TBC1D5: variants seen among roughly 807,000 people sequenced by gnomAD.
TBC1D5 encodes TBC1 domain family, member 5.
Under a neutral mutation model 100.3 loss-of-function variants are expected in TBC1D5, and 75 were observed. The observed-to-expected ratio is 0.75, with a 90% CI of 0.62 to 0.91. The LOEUF (loss-of-function observed/expected upper bound fraction) is 0.91, where lower values mean the gene tolerates loss of function less well. Ranked by LOEUF, TBC1D5 falls within the 40% of genes least tolerant of loss-of-function variation. The pLI is 0.00. For missense variants in TBC1D5, 910 were observed against 942.4 expected (o/e 0.97, Z 0.45); for synonymous variants, 323 against 325.6 (o/e 0.99, Z 0.09).
chr3:17,379,275 G>A (rs1201768979), intron 9 of TBC1D5, among the ~76,000 whole-genome samples: 4 of 151,934 alleles, frequency 2.6e-5, no homozygotes, highest in Admixed American at 6.6e-5. Context: ...TTGCAGAACT[G>A]CATAGTTCTT....
At chr3:17,683,440 C>T (rs772693204) in intron 1 of TBC1D5, among the ~76,000 whole-genome samples, 1 of 147,532 alleles carries the variant, frequency 6.8e-6, no homozygotes, top group South Asian at 2.1e-4. Flanking sequence ...CTCAACAATA[C>T]AGTATTATAA....
chr3:17,168,217 T>G (rs2066833999), intron 19 of TBC1D5, among the ~76,000 whole-genome samples: 1 of 152,162 alleles, frequency 6.6e-6, no homozygotes, highest in South Asian at 2.1e-4. Flanking sequence ...TTACCTTACC[T>G]CTCTCTAAAG....
intron 3 of TBC1D5, among the ~76,000 whole-genome samples, chr3:17,494,726 C>T (rs1219873596): frequency 6.6e-6 from 1 of 152,202 alleles, no homozygotes; most frequent in Non-Finnish European, 1.5e-5. Flanking sequence ...CGAACCCAGT[C>T]TCCCTGGCAC....
At chr3:17,508,070 G>A (rs993952116) in intron 3 of TBC1D5, among the ~76,000 whole-genome samples, 21 of 150,486 alleles carry the variant, frequency 1.4e-4, no homozygotes, top group African/African-American at 4.2e-4. Flanking sequence ...AAAAGAGGAT[G>A]AATCAAGTCT....
At chr3:17,344,365 T>C (rs1180720225) in intron 13 of TBC1D5, among the ~76,000 whole-genome samples, 3 of 152,176 alleles carry the variant, frequency 2.0e-5, no homozygotes, top group Non-Finnish European at 2.9e-5. Flanking sequence ...ACAAGGGATG[T>C]GAAGGATCTC....
chr3:17,569,888 G>A (rs908971857), intron 2 of TBC1D5, among the ~76,000 whole-genome samples: 1 of 151,352 alleles, frequency 6.6e-6, no homozygotes, highest in South Asian at 2.1e-4. Flanking sequence ...AGTGACATAT[G>A]GTATACATAT....
intron 1 of TBC1D5, among the ~76,000 whole-genome samples, chr3:17,658,864 A>C (rs2066366636): frequency 6.6e-6 from 1 of 152,136 alleles, no homozygotes; most frequent in South Asian, 2.1e-4. Flanking sequence ...GGGTTTTGCC[A>C]TGTTGGCCAG....
chr3:17,191,283 G>A (rs1481269105), intron 18 of TBC1D5, among the ~76,000 whole-genome samples: 2 of 152,154 alleles, frequency 1.3e-5, no homozygotes, highest in African/African-American at 2.4e-5. Flanking sequence ...ACAAAATGGT[G>A]ATAATAATAG....
chr3:17,691,797 C>T (rs1424677868), intron 1 of TBC1D5, among the ~76,000 whole-genome samples: 1 of 150,836 alleles, frequency 6.6e-6, no homozygotes, highest in Non-Finnish European at 1.5e-5. Context: ...AGCCAGGCAG[C>T]CTGGCAACAG....
intron 1 of TBC1D5, among the ~76,000 whole-genome samples, chr3:17,681,316 T>G (rs749627943): frequency 6.6e-6 from 1 of 151,656 alleles, no homozygotes; most frequent in Non-Finnish European, 1.5e-5. Flanking sequence ...TTAATGCACA[T>G]TCAAGTACAA....
chr3:17,585,511 C>G (rs114272219), intron 2 of TBC1D5, among the ~76,000 whole-genome samples: 95 of 152,204 alleles, frequency 6.2e-4, no homozygotes, highest in African/African-American at 2.1e-3. Context: ...GTGGTGTTTC[C>G]CAGCAGTTAC....
chr3:17,696,659 A>T (rs1162196310), intron 1 of TBC1D5, among the ~76,000 whole-genome samples: 1 of 152,174 alleles, frequency 6.6e-6, no homozygotes, highest in Non-Finnish European at 1.5e-5. Flanking sequence ...ATTCACAGCT[A>T]AATTCTACCA....
At chr3:17,368,608 AATG>A (rs2092301348) in intron 13 of TBC1D5, among the ~76,000 whole-genome samples, 1 of 152,006 alleles carries the variant, frequency 6.6e-6, no homozygotes, top group Non-Finnish European at 1.5e-5. Context: ...AGCTGTTGGT[AATG>A]ATAACATTTT....
At chr3:17,728,273 C>T (rs2076280359) in intron 1 of TBC1D5, among the ~76,000 whole-genome samples, 1 of 151,702 alleles carries the variant, frequency 6.6e-6, no homozygotes, top group South Asian at 2.1e-4. Context: ...AAGTGGTAGC[C>T]AAAGGAATTA....
intron 3 of TBC1D5, among the ~76,000 whole-genome samples, chr3:17,498,906 A>G (rs895760756): frequency 3.3e-5 from 5 of 152,202 alleles, no homozygotes; most frequent in African/African-American, 9.6e-5. Flanking sequence ...CTGTTTTATT[A>G]TATTGATGAC....
chr3:17,651,796 AG>A (rs1455329723), intron 1 of TBC1D5, among the ~76,000 whole-genome samples: 1 of 152,144 alleles, frequency 6.6e-6, no homozygotes, highest in East Asian at 1.9e-4. Context: ...TTGTTAGGTG[AG>A]GAGAAGGTCA....
At position 17,708,376 on chromosome 3, in the gene TBC1D5, C is replaced by T. The variant is rs374513162; in HGVS notation, c.-101+30967G>A. Among the ~76,000 whole-genome samples the T allele has an allele frequency of 5.3e-5, 8 of 152,140 alleles. No individual in the cohort carries two copies. The South Asian group carries it at 1.2e-3, about 24-fold the overall frequency. ...ATTTATCCATTCCCCTGCTGATGGACATTTAGGTTATTTCTAATTTTTCAC... is the reference window on the plus strand; with the variant it reads ...ATTTATCCATTCCCCTGCTGATGGATATTTAGGTTATTTCTAATTTTTCAC... On this transcript the variant is annotated intron_variant, in intron 1 of 21. Transcript: ENST00000253692.
intron 2 of TBC1D5, among the ~76,000 whole-genome samples, chr3:17,577,262 T>C (rs2096663292): frequency 6.6e-6 from 1 of 151,944 alleles, no homozygotes; most frequent in Non-Finnish European, 1.5e-5. Flanking sequence ...TTCCAACTAA[T>C]AAACAGCAAT....
chr3:17,655,487 A>G (rs1456297102), intron 1 of TBC1D5, among the ~76,000 whole-genome samples: 3 of 137,730 alleles, frequency 2.2e-5, no homozygotes, highest in African/African-American at 9.1e-5. Context: ...TTAAATTAAA[A>G]AATGAAACCC....
Sources: allele counts gnomAD v4.1 joint callset (sites outside exome capture counted in the v4.1 genomes callset), GRCh38; gene constraint gnomAD v4.1.1; transcripts MANE v1.5; gene names NCBI Gene and HGNC (gene_info 2026-07-23, HGNC 2026-07-21).